ATRNL1: variants seen among roughly 807,000 people sequenced by gnomAD.
ATRNL1 encodes attractin-like protein 1.
Under a neutral mutation model 182.7 loss-of-function variants are expected in ATRNL1, and 95 were observed. The observed-to-expected ratio is 0.52, with a 90% CI of 0.44 to 0.62. The LOEUF (loss-of-function observed/expected upper bound fraction) is 0.62, where lower values mean the gene tolerates loss of function less well. Among genes scored for constraint, ATRNL1 ranks in the 20% least tolerant of loss-of-function variants. The probability of loss-of-function intolerance (pLI) is 0.00; values close to 1 mark genes in which losing one functional copy is unlikely to be tolerated. For synonymous variants in ATRNL1, 576 were observed against 568.3 expected, an observed-to-expected ratio of 1.01 and a Z score of -0.19; for missense variants, 1,471 against 1,679.5, an observed-to-expected ratio of 0.88 and a Z score of 2.17.
chr10:115,125,585 A>G (rs1435333265), intron 3 of ATRNL1, among the ~76,000 whole-genome samples: 1 of 152,080 alleles, frequency 6.6e-6, no homozygotes, highest in Non-Finnish European at 1.5e-5. Flanking sequence ...TGAGGCCTAG[A>G]AAGATTATAT....
At chr10:115,431,327 C>G (rs111925612) in intron 21 of ATRNL1, among the ~76,000 whole-genome samples, 23 of 150,876 alleles carry the variant, frequency 1.5e-4, no homozygotes, top group African/African-American at 5.6e-4. Context: ...ATCGCTTGAA[C>G]CTGGGAGGTG....
chr10:115,363,658 C>T lies in ATRNL1; in HGVS notation c.3175+29239C>T, dbSNP rs552635327. On this transcript the variant is annotated intron_variant, in intron 19 of 28. Transcript: ENST00000355044. The stretch of plus-strand genomic sequence containing the variant: ...AGGGTTTTTATGGTTTTAGGTCTAA[C>T]GTTTAAGTCTTTAGTCCATCTTCAA... Among the ~76,000 whole-genome samples, 19 of 152,132 alleles carry T rather than the reference C, an allele frequency of 1.2e-4. 1 individual carries two copies. The highest frequency in any genetic ancestry group is 3.9e-4 in the East Asian group (2 of 5,174).
At chr10:115,418,528 A>C (rs894699917) in intron 20 of ATRNL1, among the ~76,000 whole-genome samples, 10 of 152,132 alleles carry the variant, frequency 6.6e-5, no homozygotes, top group Non-Finnish European at 1.3e-4. Context: ...GGGGCCAAAA[A>C]CTTATTAAAA....
chr10:115,504,384 T>G (rs879993688), intron 24 of ATRNL1, among the ~76,000 whole-genome samples: 1 of 152,056 alleles, frequency 6.6e-6, no homozygotes, highest in Non-Finnish European at 1.5e-5. Flanking sequence ...TAACATTCCC[T>G]TCCCAAAACA....
intron 28 of ATRNL1, among the ~76,000 whole-genome samples, chr10:115,939,049 G>A (rs1043665865): frequency 4.6e-5 from 7 of 152,270 alleles, no homozygotes; most frequent in East Asian, 3.9e-4. Context: ...GAGAGGTGAT[G>A]GATATGTTAA....
chr10:115,849,018 C>G (rs141265317), intron 28 of ATRNL1, among the ~76,000 whole-genome samples: 1,784 of 152,230 alleles, frequency 0.012, 41 homozygotes, highest in African/African-American at 0.041. Flanking sequence ...CAACCAGACA[C>G]AAAAAATGGA....
At position 115,416,553 on chromosome 10, in the gene ATRNL1, G is replaced by A. The variant is rs1414426241; in HGVS notation, c.3270-9697G>A. ...GTCTTTCAGTTTGATTCTTAACAAGGTGGTGTTGGTTTGTTTTTTCTGTTA... is the reference window on the plus strand; with the variant it reads ...GTCTTTCAGTTTGATTCTTAACAAGATGGTGTTGGTTTGTTTTTTCTGTTA... On this transcript the variant is annotated intron_variant, in intron 20 of 28. Transcript: ENST00000355044. Among the ~76,000 whole-genome samples the A allele has an allele frequency of 1.3e-5, 2 of 152,082 alleles. 1 individual carries two copies. The highest frequency in any genetic ancestry group is 4.1e-4 in the South Asian group (2 of 4,824).
intron 26 of ATRNL1, among the ~76,000 whole-genome samples, chr10:115,585,892 C>T (rs1428177997): frequency 5.5e-5 from 2 of 36,584 alleles, no homozygotes; most frequent in East Asian, 4.3e-4. Context: ...CGGCTGGTAC[C>T]GGTTGTTCCT....
intron 9 of ATRNL1, among the ~76,000 whole-genome samples, chr10:115,230,381 A>T (rs1476553928): frequency 1.3e-5 from 2 of 152,184 alleles, no homozygotes; most frequent in East Asian, 3.8e-4. Flanking sequence ...GGAGCGAGCC[A>T]TGCAAATATC....
intron 26 of ATRNL1, among the ~76,000 whole-genome samples, chr10:115,724,808 G>A (rs1947543171): frequency 6.6e-6 from 1 of 152,094 alleles, no homozygotes; most frequent in South Asian, 2.1e-4. Context: ...ATTAGGGGAG[G>A]AGGGCAGAAA....
intron 3 of ATRNL1, among the ~76,000 whole-genome samples, chr10:115,124,302 T>C (rs1176481982): frequency 6.6e-6 from 1 of 152,098 alleles, no homozygotes; most frequent in Non-Finnish European, 1.5e-5. Context: ...AGAATTATCA[T>C]AGAACTCAGG....
At chr10:115,209,076 A>G (rs1358249475) in intron 8 of ATRNL1, among the ~76,000 whole-genome samples, 1 of 151,902 alleles carries the variant, frequency 6.6e-6, no homozygotes, top group Non-Finnish European at 1.5e-5. Context: ...GTTCTTCATT[A>G]GGCCATGATG....
intron 8 of ATRNL1, among the ~76,000 whole-genome samples, chr10:115,187,238 C>T (rs1847977767): frequency 6.6e-6 from 1 of 151,712 alleles, no homozygotes; most frequent in African/African-American, 2.4e-5. Flanking sequence ...ACATAGCTTA[C>T]CCACCCCTAC....
chr10:115,559,936 A>C (rs1317922174), intron 26 of ATRNL1, among the ~76,000 whole-genome samples: 1 of 152,210 alleles, frequency 6.6e-6, no homozygotes, highest in African/African-American at 2.4e-5. Context: ...TTGGGAAGAA[A>C]GAAGTAAAGC....
chr10:115,478,584 G>A (rs1203212611), intron 24 of ATRNL1, among the ~76,000 whole-genome samples: 1 of 151,664 alleles, frequency 6.6e-6, no homozygotes, highest in Non-Finnish European at 1.5e-5. Context: ...AATCATAGGA[G>A]TGACTATTCT....
intron 27 of ATRNL1, among the ~76,000 whole-genome samples, chr10:115,750,342 G>A (rs1948413066): frequency 6.6e-6 from 1 of 151,888 alleles, no homozygotes; most frequent in Admixed American, 6.6e-5. Flanking sequence ...TGGAAATTTA[G>A]TTGAAAAATT....
At chr10:115,341,728 T>A (rs1176942035) in intron 19 of ATRNL1, among the ~76,000 whole-genome samples, 1 of 152,182 alleles carries the variant, frequency 6.6e-6, no homozygotes, top group South Asian at 2.1e-4. Flanking sequence ...AAAACTGTTA[T>A]ATCTTCTTGC....
chr10:115,300,440 A>G (rs1402767861), intron 16 of ATRNL1, among the ~76,000 whole-genome samples, 193 bp downstream of exon 16: 2 of 152,202 alleles, frequency 1.3e-5, no homozygotes, highest in African/African-American at 2.4e-5. Flanking sequence ...ATTTTATGCA[A>G]ACTTTGTTGG....
chr10:115,577,892 A>T (rs1407843782), intron 26 of ATRNL1, among the ~76,000 whole-genome samples: 1 of 151,586 alleles, frequency 6.6e-6, no homozygotes, highest in Non-Finnish European at 1.5e-5. Context: ...TGGGCTTTTC[A>T]TAAATGACCT....
Sources: allele counts gnomAD v4.1 joint callset (sites outside exome capture counted in the v4.1 genomes callset), GRCh38; gene constraint gnomAD v4.1.1; transcripts MANE v1.5; gene names NCBI Gene and HGNC (gene_info 2026-07-23, HGNC 2026-07-21).